ESRRG: variants seen among roughly 807,000 people sequenced by gnomAD.
ESRRG encodes estrogen related receptor gamma, also known as estrogen-related receptor gamma.
Under a neutral mutation model 44.0 loss-of-function variants are expected in ESRRG, and 13 were observed. That is an observed-to-expected ratio of 0.30 (90% CI 0.19 to 0.47). The LOEUF (loss-of-function observed/expected upper bound fraction) is 0.47. Ranked by LOEUF, ESRRG falls within the 20% of genes least tolerant of loss-of-function variation. ESRRG has a pLI of 1.00. For synonymous variants in ESRRG, 215 were observed against 214.6 expected (o/e 1.00, Z -0.02); for missense variants, 395 against 580.6 (o/e 0.68, Z 3.29).
intron 1 of ESRRG, among the ~76,000 whole-genome samples, chr1:216,948,476 CAAAAA>C (rs5780948): frequency 9.7e-6 from 1 of 103,394 alleles, no homozygotes; most frequent in Non-Finnish European, 2.0e-5. Context: ...GACTCCATCT[CAAAAA>C]AAAAAAAAAA....
intron 3 of ESRRG, among the ~76,000 whole-genome samples, chr1:216,610,599 T>A (rs1342324923): frequency 6.6e-6 from 1 of 152,126 alleles, no homozygotes; most frequent in Non-Finnish European, 1.5e-5. Context: ...ACTAGCTATG[T>A]GACTTAGGGA....
At chr1:217,006,903 CA>C (rs1189929989) in intron 1 of ESRRG, among the ~76,000 whole-genome samples, 1 of 152,000 alleles carries the variant, frequency 6.6e-6, no homozygotes, top group Non-Finnish European at 1.5e-5. Context: ...GAACTGTGGT[CA>C]AAGTAATTTT....
intron 2 of ESRRG, among the ~76,000 whole-genome samples, chr1:216,925,874 C>T (rs769063532): frequency 1.3e-5 from 2 of 151,920 alleles, no homozygotes; most frequent in South Asian, 2.1e-4. Context: ...CACTTGAACC[C>T]GGGGGGTGGA....
At position 216,880,175 on chromosome 1, in the gene ESRRG, T is replaced by C. The variant is rs907472505; in HGVS notation, c.-14+59407A>G. Among the ~76,000 whole-genome samples the C allele has an allele frequency of 3.2e-4, 48 of 150,952 alleles. 3 individuals are homozygous for C. The highest frequency in any genetic ancestry group is 1.1e-3 in the African/African-American group (45 of 41,140). On this transcript the variant is annotated intron_variant, in intron 2 of 7. Coordinates refer to the ESRRG transcript ENST00000359162. ...TACAAAAATTAGCCAGGCATGGTGG[T>C]GGGCGCCTGTAATCTCAGCTACTCT...
chr1:216,972,677 A>T (rs1357834048), intron 1 of ESRRG, among the ~76,000 whole-genome samples: 17 of 152,206 alleles, frequency 1.1e-4, no homozygotes, highest in Non-Finnish European at 1.5e-5. Context: ...ACACAAGTTT[A>T]AGTGTCTGCT....
intron 2 of ESRRG, among the ~76,000 whole-genome samples, chr1:216,837,878 T>C (rs1250940246): frequency 6.6e-6 from 1 of 152,174 alleles, no homozygotes; most frequent in Non-Finnish European, 1.5e-5. Flanking sequence ...TTCAGAAGCT[T>C]TACATTGTGA....
chr1:216,954,452 C>T (rs1289333192), intron 1 of ESRRG, among the ~76,000 whole-genome samples: 1 of 152,082 alleles, frequency 6.6e-6, no homozygotes, highest in East Asian at 1.9e-4. Flanking sequence ...CTACTTCTTG[C>T]TGCTTAATTT....
intron 2 of ESRRG, among the ~76,000 whole-genome samples, chr1:216,839,159 T>C (rs1349258441): frequency 1.3e-5 from 2 of 152,230 alleles, no homozygotes; most frequent in African/African-American, 4.8e-5. Context: ...GTAAATCCTT[T>C]GTTGTCATTT....
chr1:216,654,290 A>T (rs1479452085), intron 2 of ESRRG, among the ~76,000 whole-genome samples: 1 of 152,094 alleles, frequency 6.6e-6, no homozygotes, highest in African/African-American at 2.4e-5. Context: ...TTAGGAAGCA[A>T]TGTTAAGAAC....
chr1:216,752,647 T>C (rs978722808), intron 2 of ESRRG, among the ~76,000 whole-genome samples: 18 of 152,056 alleles, frequency 1.2e-4, no homozygotes, highest in African/African-American at 4.3e-4. Context: ...CCAGCATGGA[T>C]TCAGTATGAT....
intron 1 of ESRRG, among the ~76,000 whole-genome samples, chr1:217,062,946 T>C (rs1188553646): frequency 6.6e-6 from 1 of 152,174 alleles, no homozygotes; most frequent in East Asian, 1.9e-4. Context: ...CGCTACTTCA[T>C]CAGCTCTTAA....
intron 1 of ESRRG, among the ~76,000 whole-genome samples, chr1:217,086,088 G>C (rs549290874): frequency 4.6e-5 from 7 of 152,298 alleles, no homozygotes; most frequent in South Asian, 2.1e-4. Context: ...ACAATATTAT[G>C]AAACTTGATA....
chr1:216,527,703 C>T (rs1337334265), intron 5 of ESRRG, among the ~76,000 whole-genome samples: 2 of 152,144 alleles, frequency 1.3e-5, no homozygotes, highest in Non-Finnish European at 2.9e-5. Context: ...CTCTTTTATA[C>T]ATGTGAAATC....
At chr1:216,511,253 T>C (rs1392529412) in intron 6 of ESRRG, among the ~76,000 whole-genome samples, 1 of 152,126 alleles carries the variant, frequency 6.6e-6, no homozygotes, top group Non-Finnish European at 1.5e-5. Flanking sequence ...AAAAGGTCTA[T>C]TTTCTAAAAG....
At chr1:216,599,007 A>G (rs965864218) in intron 3 of ESRRG, among the ~76,000 whole-genome samples, 1 of 152,218 alleles carries the variant, frequency 6.6e-6, no homozygotes, top group African/African-American at 2.4e-5. Context: ...TGAGTGCAAG[A>G]GGGATCTGGG....
intron 2 of ESRRG, among the ~76,000 whole-genome samples, chr1:216,860,722 A>C (rs996323610): frequency 1.3e-5 from 2 of 152,212 alleles, no homozygotes; most frequent in Admixed American, 1.3e-4. Context: ...GCAAAACTGC[A>C]ATACAAAAAT....
chr1:216,871,978 A>G (rs578153845), intron 2 of ESRRG, among the ~76,000 whole-genome samples: 1 of 152,076 alleles, frequency 6.6e-6, no homozygotes, highest in Non-Finnish European at 1.5e-5. Flanking sequence ...TTTAGAAATT[A>G]TCTTAGAGCT....
intron 5 of ESRRG, among the ~76,000 whole-genome samples, chr1:216,534,460 C>T (rs930112838): frequency 1.3e-5 from 2 of 152,018 alleles, no homozygotes; most frequent in Non-Finnish European, 2.9e-5. Flanking sequence ...GAGACAAATT[C>T]GATTATAGCT....
intron 2 of ESRRG, among the ~76,000 whole-genome samples, chr1:216,806,953 G>T (rs1177586722): frequency 1.3e-5 from 2 of 152,164 alleles, no homozygotes; most frequent in Non-Finnish European, 1.5e-5. Flanking sequence ...AATCCTATCT[G>T]TGAGGCCAGG....
Sources: gnomAD v4.1 joint callset for allele counts (sites outside exome capture counted in the v4.1 genomes callset) on GRCh38, gnomAD v4.1.1 for gene constraint, MANE v1.5 for transcripts, NCBI Gene and HGNC (gene_info 2026-07-23, HGNC 2026-07-21) for gene names.